Variants in PATL1 observed in about 807,000 individuals in gnomAD.
PATL1 encodes the protein PAT1 homolog 1, processing body mRNA decay factor.
A neutral mutation model predicts 100.6 loss-of-function variants in PATL1; 32 were observed. The observed-to-expected ratio is 0.32, with a 90% CI of 0.24 to 0.43. PATL1 has a LOEUF of 0.43. PATL1 is among the 20% of genes least tolerant of loss of function. PATL1 has a pLI of 1.00. For synonymous variants in PATL1, 332 were observed against 330.0 expected (o/e 1.01, Z -0.07); for missense variants, 747 against 949.9 (o/e 0.79, Z 2.81).
chr11:59,665,386 C>T (rs529579345), intron 2 of PATL1, among the ~76,000 whole-genome samples: 17 of 152,320 alleles, frequency 1.1e-4, no homozygotes, highest in Non-Finnish European at 2.2e-4. Context: ...AGAAGTGTTG[C>T]GACTACAAAA....
chr11:59,639,056 T>C lies in PATL1; in HGVS notation c.2283A>G (p.Thr761=). ...TCCTGTTTCAAACTTACTGCAGTTTTGTCTCCAGCAAGTTCAGTTTCTGCC... is the reference window on the plus strand; with the variant it reads ...TCCTGTTTCAAACTTACTGCAGTTTCGTCTCCAGCAAGTTCAGTTTCTGCC... ...VDRQKLNLLE[T]KLQLVQGIR Residue 761 remains threonine (T), a synonymous_variant, in exon 18 of 19, where the codon ACA becomes ACG. Coordinates refer to ENST00000300146, the MANE Select transcript of PATL1 (RefSeq NM_152716.3). 1 of 1,613,390 alleles carries C rather than the reference T, an allele frequency of 6.2e-7. No individual in the cohort carries two copies. Among genetic ancestry groups the C allele is most frequent in the East Asian group, 2.2e-5 (1 of 44,882 alleles).
chr11:59,649,209 T>C (rs1047963782), intron 14 of PATL1, among the ~76,000 whole-genome samples: 14 of 152,216 alleles, frequency 9.2e-5, no homozygotes, highest in Non-Finnish European at 1.9e-4. Context: ...CTCTAGTGCC[T>C]AGCACTGTCC....
intron 2 of PATL1, among the ~76,000 whole-genome samples, chr11:59,663,743 A>ATT (rs1554985344): frequency 1.3e-5 from 2 of 152,140 alleles, no homozygotes; most frequent in Non-Finnish European, 2.9e-5. Context: ...TTTCTTAAGG[A>ATT]AAGGTGACCA....
chr11:59,653,937 T>C lies in PATL1; in HGVS notation c.1121+46A>G, dbSNP rs532718802. On this transcript the variant is annotated intron_variant, in intron 9 of 18. Coordinates refer to ENST00000300146, the MANE Select transcript of PATL1 (RefSeq NM_152716.3). Reference sequence around the variant, plus strand: ...TAGCATGTTGTTACACTGTTAAAATTAAAAGCTGAATTAAGAAGCCATAAA... The same window carrying C: ...TAGCATGTTGTTACACTGTTAAAATCAAAAGCTGAATTAAGAAGCCATAAA... 2.3e-5 allele frequency: 35 copies of C among 1,523,112 alleles called. No individual in the cohort carries two copies. The African/African-American group carries it at 3.2e-4, about 14-fold the overall frequency. 94.3% of individuals were successfully genotyped at this position (1,523,112 alleles called of 1,614,324 possible).
chr11:59,644,048 C>T (rs776935490), intron 15 of PATL1, among the ~76,000 whole-genome samples: 2 of 152,122 alleles, frequency 1.3e-5, no homozygotes, highest in Non-Finnish European at 2.9e-5. Flanking sequence ...ATGGCAACTG[C>T]AAATGGGGAA....
chr11:59,653,063 A>T, intron 9 of PATL1, 45 bp from the exon 10 acceptor site: 2 of 1,475,414 alleles, frequency 1.4e-6, no homozygotes, highest in South Asian at 1.4e-5. Context: ...CAAATTAATT[A>T]CGCTTTTTAA....
intron 5 of PATL1, 100 bp downstream of exon 5, chr11:59,657,430 T>C: frequency 1.8e-6 from 2 of 1,140,874 alleles, no homozygotes; most frequent in Non-Finnish European, 2.4e-6. Flanking sequence ...ATCTAATGCC[T>C]ACCCAAAATT....
At chr11:59,649,385 G>T in intron 14 of PATL1, 77 bp downstream of exon 14, 1 of 1,517,248 alleles carries the variant, frequency 6.6e-7, no homozygotes, top group Non-Finnish European at 8.9e-7. Context: ...GTACCTAAAA[G>T]GCAAAAATGT....
Position 59,646,278 on chromosome 11 carries a change from A to ATT in PATL1, c.1893+1474_1893+1475dup, listed in dbSNP as rs35277057. On this transcript the variant is annotated intron_variant, in intron 15 of 18. Transcript: ENST00000300146. ...CCCTAACTCATTTTTCATTTGTGGA[A>ATT]TTTTTTTTTTTTTTTTTTTGAGTAG... is the stretch of plus-strand genomic sequence containing the variant. Among the ~76,000 whole-genome samples the ATT allele has an allele frequency of 8.6e-4, 115 of 133,778 alleles. 1 individual carries two copies. The Middle Eastern group carries it at 0.015, about 18-fold the overall frequency. The allele number at this position is 133,778 out of a possible 152,430, so 87.8% of individuals were successfully genotyped here.
At chr11:59,658,396 C>T (rs1565135165) in intron 4 of PATL1, among the ~76,000 whole-genome samples, 2 of 151,782 alleles carry the variant, frequency 1.3e-5, no homozygotes, top group Non-Finnish European at 2.9e-5. Flanking sequence ...TGCCTTACTA[C>T]AACTTCCGCC....
intron 8 of PATL1, among the ~76,000 whole-genome samples, chr11:59,654,880 T>A (rs1302721054): frequency 6.6e-6 from 1 of 152,192 alleles, no homozygotes; most frequent in Non-Finnish European, 1.5e-5. Context: ...GTGGAGCTCA[T>A]CCAGCCAGTT....
intron 15 of PATL1, among the ~76,000 whole-genome samples, chr11:59,646,039 C>T (rs1004231000): frequency 6.6e-6 from 1 of 152,142 alleles, no homozygotes; most frequent in East Asian, 1.9e-4. Context: ...CTTTTAGCAC[C>T]TAGAACTAGG....
At chr11:59,665,183 C>T (rs548612299) in intron 2 of PATL1, among the ~76,000 whole-genome samples, 1 of 152,210 alleles carries the variant, frequency 6.6e-6, no homozygotes, top group East Asian at 1.9e-4. Flanking sequence ...TATTAAAACA[C>T]CTTCATTTTT....
intron 10 of PATL1, 110 bp from the exon 11 acceptor site, chr11:59,652,697 T>C (rs990178210): frequency 3.3e-6 from 5 of 1,524,940 alleles, no homozygotes; most frequent in Non-Finnish European, 4.4e-6. Flanking sequence ...TCTAGAAATA[T>C]ACTGATAGTG....
At chr11:59,649,661 T>C in intron 13 of PATL1, 51 bp from the exon 14 acceptor site, 2 of 1,559,028 alleles carry the variant, frequency 1.3e-6, no homozygotes, top group East Asian at 4.5e-5. Context: ...AGAACCACAG[T>C]ATTAGTTAAA....
chr11:59,642,868 G>C lies in PATL1; in HGVS notation c.2049+12C>G. 1 of 1,607,506 alleles carries C rather than the reference G, an allele frequency of 6.2e-7. No homozygotes were observed. The highest frequency in any genetic ancestry group is 8.5e-7 in the Non-Finnish European group (1 of 1,176,612). On this transcript the variant is annotated intron_variant, in intron 16 of 18. Transcript: ENST00000300146. ...TTTCACAAAGTTCAAGGAGTTAAAA[G>C]GGCAAGATCACCTTGTTCTGGAGCA...
chr11:59,638,842 G>T (rs1158991985), intron 18 of PATL1, among the ~76,000 whole-genome samples: 4 of 151,950 alleles, frequency 2.6e-5, no homozygotes, highest in Non-Finnish European at 4.4e-5. Context: ...CACCGCACTT[G>T]GCTAATTTTC....
chr11:59,652,091 A>AAAAAAAAAAAAAAAAAAAAAG (rs1845853259), intron 11 of PATL1, among the ~76,000 whole-genome samples: 1 of 138,590 alleles, frequency 7.2e-6, no homozygotes, highest in Non-Finnish European at 1.6e-5. Flanking sequence ...AAAAAAAAAA[A>AAAAAAAAAAAAAAAAAAAAAG]AGACAAAAAA....
chr11:59,663,045 T>C (rs72927433), intron 2 of PATL1, among the ~76,000 whole-genome samples: 4,341 of 152,292 alleles, frequency 0.029, 82 homozygotes, highest in Non-Finnish European at 0.042. Flanking sequence ...AGAGATATTG[T>C]GCCCTTACTA....
Sources: gnomAD v4.1 joint callset for allele counts (sites outside exome capture counted in the v4.1 genomes callset) on GRCh38, gnomAD v4.1.1 for gene constraint, MANE v1.5 for transcripts, NCBI Gene and HGNC (gene_info 2026-07-23, HGNC 2026-07-21) for gene names.